The following CSMD1 variants were observed in gnomAD, a reference collection of about 807,000 sequenced individuals.
CSMD1 encodes CUB and Sushi multiple domains 1, also known as CUB and sushi domain-containing protein 1.
In CSMD1, 213 loss-of-function variants were observed where a neutral mutation model predicts 417.5. The ratio of observed to expected loss-of-function variants is 0.51; its 90% CI spans 0.46 to 0.57. CSMD1 has a LOEUF of 0.57. Ranked by LOEUF, CSMD1 falls within the 20% of genes least tolerant of loss-of-function variation. CSMD1 has a pLI of 0.00. For synonymous variants in CSMD1, 2,862 were observed against 1,736.8 expected (o/e 1.65, Z -16.11); for missense variants, 6,923 against 4,529.7 (o/e 1.53, Z -15.17).
At chr8:3,678,161 C>T (rs559119707) in intron 7 of CSMD1, among the ~76,000 whole-genome samples, 2 of 152,286 alleles carry the variant, frequency 1.3e-5, no homozygotes, top group South Asian at 2.1e-4. Context: ...CAGCTCCTCA[C>T]CAGCAACAGA....
intron 5 of CSMD1, among the ~76,000 whole-genome samples, chr8:3,850,903 T>G (rs1002416170): frequency 1.3e-5 from 2 of 151,770 alleles, no homozygotes; most frequent in Non-Finnish European, 2.9e-5. Flanking sequence ...GGAAACAGAG[T>G]TTAAAGTTTT....
At chr8:3,110,439 G>A in intron 42 of CSMD1, 104 bp from the exon 43 acceptor site, 2 of 909,298 alleles carry the variant, frequency 2.2e-6, no homozygotes, top group Non-Finnish European at 1.6e-6. Flanking sequence ...TTTTCCTGAT[G>A]GGAAATAGGT....
At chr8:3,900,639 T>C (rs916494778) in intron 5 of CSMD1, among the ~76,000 whole-genome samples, 1 of 151,984 alleles carries the variant, frequency 6.6e-6, no homozygotes, top group South Asian at 2.1e-4. Flanking sequence ...ACAGTGCAGC[T>C]AGATGACACT....
intron 30 of CSMD1, among the ~76,000 whole-genome samples, chr8:3,211,273 G>C (rs1302881709): frequency 1.3e-5 from 2 of 152,078 alleles, no homozygotes; most frequent in Non-Finnish European, 2.9e-5. Context: ...TTGAATTCTG[G>C]TCCTCAAGCG....
At chr8:3,607,044 G>A (rs976192726) in intron 8 of CSMD1, among the ~76,000 whole-genome samples, 7 of 152,020 alleles carry the variant, frequency 4.6e-5, no homozygotes, top group Admixed American at 1.3e-4. Flanking sequence ...TGAGTTTTTT[G>A]CAATAATACT....
rs75921484 is a variant in CSMD1, at chr8:3,116,016, G to A, written c.6430+2383C>T. On this transcript the variant is annotated intron_variant, in intron 42 of 69. Transcript: ENST00000635120. The stretch of plus-strand genomic sequence containing the variant: ...TACTGGGTTGTCAGCAGTGTTTACC[G>A]CTGTCTCTGGGAAAGACTGAAGTGC... 3.5e-3 allele frequency among the ~76,000 whole-genome samples: 533 copies of A among 152,258 alleles called. 11 individuals are homozygous for A. In the East Asian group the frequency reaches 0.049, roughly 14 times the overall value.
intron 5 of CSMD1, among the ~76,000 whole-genome samples, chr8:3,951,656 T>A (rs995844745): frequency 4.1e-4 from 63 of 152,276 alleles, no homozygotes; most frequent in African/African-American, 1.3e-3. Flanking sequence ...TAAAATTTTT[T>A]AAAAATTAAA....
chr8:4,099,212 A>T (rs1801178191), intron 3 of CSMD1, among the ~76,000 whole-genome samples: 1 of 151,722 alleles, frequency 6.6e-6, no homozygotes, highest in Non-Finnish European at 1.5e-5. Flanking sequence ...ACACGCACAC[A>T]CACACACACA....
chr8:4,673,585 G>A (rs1433276423), intron 1 of CSMD1, among the ~76,000 whole-genome samples: 1 of 152,094 alleles, frequency 6.6e-6, no homozygotes, highest in Non-Finnish European at 1.5e-5. Flanking sequence ...GTGCTTGGGG[G>A]AAACTCTGGG....
At chr8:4,505,560 T>A (rs1478924223) in intron 2 of CSMD1, among the ~76,000 whole-genome samples, 1 of 152,196 alleles carries the variant, frequency 6.6e-6, no homozygotes, top group Non-Finnish European at 1.5e-5. Flanking sequence ...ATCAAAATAA[T>A]GCTATTGGAA....
intron 3 of CSMD1, among the ~76,000 whole-genome samples, chr8:4,093,987 T>TAGATAGATAGAC (rs1800862420): frequency 2.0e-5 from 3 of 151,132 alleles, no homozygotes; most frequent in Non-Finnish European, 4.4e-5. Context: ...GATAGATAGA[T>TAGATAGATAGAC]AGATAGATAG....
At chr8:4,936,455 A>G (rs1238003273) in intron 1 of CSMD1, among the ~76,000 whole-genome samples, 1 of 152,202 alleles carries the variant, frequency 6.6e-6, no homozygotes, top group Non-Finnish European at 1.5e-5. Flanking sequence ...TTTGTCCAGA[A>G]CATCTTATTA....
intron 5 of CSMD1, among the ~76,000 whole-genome samples, chr8:3,979,527 C>T (rs1003632203): frequency 6.6e-6 from 1 of 152,176 alleles, no homozygotes; most frequent in African/African-American, 2.4e-5. Context: ...TGTAACTCTC[C>T]AAGTCATGAT....
chr8:4,685,277 C>T (rs1213549015), intron 1 of CSMD1, among the ~76,000 whole-genome samples: 1 of 152,120 alleles, frequency 6.6e-6, no homozygotes, highest in Non-Finnish European at 1.5e-5. Context: ...TGCATCATAT[C>T]AAAAACTTAA....
intron 12 of CSMD1, among the ~76,000 whole-genome samples, chr8:3,426,032 A>T (rs1813816934): frequency 6.6e-6 from 1 of 152,344 alleles, no homozygotes; most frequent in South Asian, 2.1e-4. Flanking sequence ...TTTAAAAAAA[A>T]TCTGTGCCAA....
intron 3 of CSMD1, among the ~76,000 whole-genome samples, chr8:4,366,072 G>C (rs889787197): frequency 1.3e-5 from 2 of 152,036 alleles, no homozygotes; most frequent in Non-Finnish European, 2.9e-5. Context: ...CAATCCATGA[G>C]CCTCTCCTAC....
At chr8:3,675,301 A>G (rs1218548309) in intron 7 of CSMD1, among the ~76,000 whole-genome samples, 1 of 152,148 alleles carries the variant, frequency 6.6e-6, no homozygotes, top group Non-Finnish European at 1.5e-5. Flanking sequence ...TGGCAGCACT[A>G]TGCACATCCT....
intron 50 of CSMD1, among the ~76,000 whole-genome samples, chr8:3,033,489 TA>T (rs1810475531): frequency 6.6e-6 from 1 of 151,982 alleles, no homozygotes; most frequent in Non-Finnish European, 1.5e-5. Flanking sequence ...GAATGACGGT[TA>T]ACACGGGAAC....
intron 3 of CSMD1, among the ~76,000 whole-genome samples, chr8:4,307,798 A>C (rs572673206): frequency 6.6e-6 from 1 of 152,294 alleles, no homozygotes; most frequent in East Asian, 1.9e-4. Context: ...TTACCTCTCT[A>C]CACTACAGTC....
Sources: allele counts gnomAD v4.1 joint callset (sites outside exome capture counted in the v4.1 genomes callset), GRCh38; gene constraint gnomAD v4.1.1; transcripts MANE v1.5; gene names NCBI Gene and HGNC (gene_info 2026-07-23, HGNC 2026-07-21).